The following ARHGAP45 variants were observed in gnomAD, a reference collection of about 807,000 sequenced individuals.
ARHGAP45 encodes rho GTPase-activating protein 45.
A neutral mutation model predicts 116.1 loss-of-function variants in ARHGAP45; 56 were observed. That is an observed-to-expected ratio of 0.48 (90% CI 0.39 to 0.60). The LOEUF is 0.60. Ranked by LOEUF, ARHGAP45 falls within the 20% of genes least tolerant of loss-of-function variation. The pLI is 0.00. For synonymous variants in ARHGAP45, 866 were observed against 701.7 expected (o/e 1.23, Z -3.70); for missense variants, 1,622 against 1,601.0 (o/e 1.01, Z -0.22).
rs550923844 is a variant in ARHGAP45 at position 1,081,040 on chromosome 19, C to T, written c.2166C>T (p.Tyr722=). The part of the protein sequence containing the change: ...AKCRECNSYV[Y]FQGAECEECC... ...GCCGCGAGTGCAACAGCTACGTCTACTTCCAGGGTGCTGAGTGTGAAGAGG... is the reference window on the plus strand; with the variant it reads ...GCCGCGAGTGCAACAGCTACGTCTATTTCCAGGGTGCTGAGTGTGAAGAGG... Residue 722 remains tyrosine (Y), a synonymous_variant, in exon 17 of 23, where the codon TAC becomes TAT. Coordinates refer to ENST00000313093, the MANE Select transcript of ARHGAP45 (RefSeq NM_012292.5). The T allele has an allele frequency of 1.2e-6, 2 of 1,608,646 alleles. No individual in the cohort carries two copies. The highest frequency in any genetic ancestry group is 1.7e-6 in the Non-Finnish European group (2 of 1,178,514).
intron 8 of ARHGAP45, 86 bp downstream of exon 8, chr19:1,074,493 AG>A: frequency 7.1e-7 from 1 of 1,410,678 alleles, no homozygotes; most frequent in African/African-American, 1.4e-5. Context: ...GACCAAGAGC[AG>A]GGGCTTCCCC....
intron 17 of ARHGAP45, 149 bp from the exon 18 acceptor site, chr19:1,081,401 G>C: frequency 1.2e-6 from 1 of 855,898 alleles, no homozygotes; most frequent in African/African-American, 1.7e-5. Flanking sequence ...CACCCCTGGG[G>C]TGGAAGCCAC....
Position 1,080,758 on chromosome 19 carries a change from T to C in ARHGAP45, c.1989T>C (p.Gly663=). The change falls in exon 16 of 23, where the codon GGT becomes GGC. Residue 663 remains glycine, a synonymous_variant. Coordinates refer to ENST00000313093, the MANE Select transcript of ARHGAP45 (RefSeq NM_012292.5). ...CGGAGGAGCTGGTGGACCCAGACGG[T>C]GGAGCCGGGGCTTCAGCCTTTGAGC... is the stretch of plus-strand genomic sequence containing the variant. The part of the protein sequence containing the change: ...SSTEELVDPD[G]GAGASAFEQA... 1 of 1,613,480 alleles carries C rather than the reference T, an allele frequency of 6.2e-7. No homozygotes were observed. Among genetic ancestry groups the C allele is most frequent in the Non-Finnish European group, 8.5e-7 (1 of 1,179,978 alleles).
At chr19:1,084,864 T>C (rs935174048) in intron 22 of ARHGAP45, among the ~76,000 whole-genome samples, 3 of 152,110 alleles carry the variant, frequency 2.0e-5, no homozygotes, top group Non-Finnish European at 2.9e-5. Context: ...GGCAGATCAC[T>C]TGAGGTTAGG....
At chr19:1,083,901 C>T (rs1264200210) in intron 21 of ARHGAP45, among the ~76,000 whole-genome samples, 1 of 152,134 alleles carries the variant, frequency 6.6e-6, no homozygotes, top group Non-Finnish European at 1.5e-5. Context: ...CCACCACACC[C>T]GGCTAATTTT....
At position 1,069,816 on chromosome 19, in the gene ARHGAP45, C is replaced by CT. The variant is rs5826720; in HGVS notation, c.421+1090dup. On this transcript the variant is annotated intron_variant, in intron 2 of 22. Coordinates refer to ENST00000313093, the MANE Select transcript of ARHGAP45 (RefSeq NM_012292.5). The surrounding 1 kb of genome is among the most constrained non-coding windows in gnomAD (Gnocchi z 4.1). ...GAACTGGGCCAGCCAGGGTGGGGCA[C>CT]TTTTTTTTTTTTTTTTTTGATACAG... is the stretch of plus-strand genomic sequence containing the variant. Among the ~76,000 whole-genome samples the CT allele has an allele frequency of 0.43, 56,166 of 132,108 alleles. 12,546 individuals carry two copies. The highest frequency in any genetic ancestry group is 0.51 in the Middle Eastern group (125 of 246). The allele number at this position is 132,108 out of a possible 152,430, so 86.7% of individuals were successfully genotyped here. A position where few individuals can be genotyped will look rare whatever the true frequency, so the allele number is the denominator to read the frequency against.
chr19:1,079,890 C>G lies in ARHGAP45; in HGVS notation c.1513-38C>G. On this transcript the variant is annotated intron_variant, in intron 12 of 22. Coordinates refer to ENST00000313093, the MANE Select transcript of ARHGAP45 (RefSeq NM_012292.5). ...GGGCGGGGATGGTGGACCGGGCGGC[C>G]TCCTCCTGACCCCTCCGCTCTCCGG... The G allele has an allele frequency of 3.8e-6, 6 of 1,593,966 alleles. No individual in the cohort carries two copies. In the South Asian group the frequency reaches 6.7e-5, roughly 18 times the overall value.
chr19:1,075,469 T>G (rs1000499663), intron 10 of ARHGAP45, among the ~76,000 whole-genome samples: 2 of 152,044 alleles, frequency 1.3e-5, no homozygotes, highest in African/African-American at 4.8e-5. Flanking sequence ...GGTCTCGAAC[T>G]CCTGACCTCA....
At position 1,081,958 on chromosome 19, in the gene ARHGAP45, T is replaced by A; in HGVS notation, c.2514T>A (p.Arg838=). 1 of 1,610,584 alleles carries A rather than the reference T, an allele frequency of 6.2e-7. No homozygotes were observed. The highest frequency in any genetic ancestry group is 1.1e-5 in the South Asian group (1 of 90,998). ...GCAACGTCCTCAAGCTCTACCTGCG[T>A]CAGGTGAGACCCACCGGTGGTGGCC... ...DISNVLKLYL[R]QLPEPLISFR... The change falls in exon 19 of 23, where the codon CGT becomes CGA. Residue 838 remains arginine (R), a synonymous_variant. Transcript: ENST00000313093.
chr19:1,067,496 G>A lies in ARHGAP45; in HGVS notation c.90+1G>A. ...AAGCCCCAGCCCGCAGCCCTCGGGG[G>A]TGAGTGGAGCCCGGGTGAGACCCGG... On this transcript the variant is annotated splice_donor_variant, in intron 1 of 22. Transcript: ENST00000313093. LOFTEE classifies it high-confidence loss of function. The A allele has an allele frequency of 6.3e-7, 1 of 1,596,728 alleles. No homozygotes were observed. Among genetic ancestry groups the A allele is most frequent in the Non-Finnish European group, 8.5e-7 (1 of 1,172,538 alleles).
chr19:1,069,727 C>G lies in ARHGAP45; in HGVS notation c.421+983C>G, dbSNP rs1026317610. On this transcript the variant is annotated intron_variant, in intron 2 of 22. Coordinates refer to ENST00000313093, the MANE Select transcript of ARHGAP45 (RefSeq NM_012292.5). This position sits in a 1 kb window ranked among gnomAD's most constrained non-coding sequence, Gnocchi z 4.1. ...ACCCTAATCTCGGTTCCTTTCCGATCCTGGCGCTTCCTTGGAGGCCTGGCC... is the reference window on the plus strand; with the variant it reads ...ACCCTAATCTCGGTTCCTTTCCGATGCTGGCGCTTCCTTGGAGGCCTGGCC... 1.3e-5 allele frequency among the ~76,000 whole-genome samples: 2 copies of G among 152,136 alleles called. No individual in the cohort carries two copies. The highest frequency in any genetic ancestry group is 6.5e-5 in the Admixed American group (1 of 15,286).
chr19:1,078,904 G>A lies in ARHGAP45; in HGVS notation c.1375-799G>A, dbSNP rs574115387. 3.3e-5 allele frequency among the ~76,000 whole-genome samples: 5 copies of A among 151,830 alleles called. No individual in the cohort carries two copies. The South Asian group carries it at 1.0e-3, about 32-fold the overall frequency. ...GCTAATTTAAAAAAATTCTTGGCCG[G>A]GCGCAGTGGCTCACGCCTGTAATCC... On this transcript the variant is annotated intron_variant, in intron 11 of 22. Coordinates refer to ENST00000313093, the MANE Select transcript of ARHGAP45 (RefSeq NM_012292.5).
chr19:1,078,345 G>C (rs1016917182), intron 11 of ARHGAP45, among the ~76,000 whole-genome samples: 2 of 151,838 alleles, frequency 1.3e-5, no homozygotes, highest in African/African-American at 4.8e-5. Flanking sequence ...GGGTTTCACT[G>C]TGTTAGCCAG....
intron 17 of ARHGAP45, chr19:1,081,293 T>G (rs2043426307): frequency 1.5e-6 from 1 of 646,420 alleles, no homozygotes; most frequent in Non-Finnish European, 2.6e-6. Flanking sequence ...TGAAGAGTCC[T>G]GGGGCTGTGG....
In ARHGAP45 at chr19:1,079,783, G is replaced by A. The variant is rs1456838236; in HGVS notation, c.1455G>A (p.Val485=). Residue 485 remains valine, a synonymous_variant, in exon 12 of 23, where the codon GTG becomes GTA. Coordinates refer to ENST00000313093, the MANE Select transcript of ARHGAP45 (RefSeq NM_012292.5). ...TQKQELEDTK[V]TALRQIQEVI... ...AGCAGGAGCTGGAGGATACCAAGGT[G>A]ACGGCGCTGCGGCAGATCCAGGAGG... 6.2e-7 allele frequency: 1 copy of A among 1,611,646 alleles called. No homozygotes were observed.
chr19:1,079,970 C>G lies in ARHGAP45; in HGVS notation c.1555C>G (p.Pro519Ala). 1.2e-6 allele frequency: 2 copies of G among 1,612,698 alleles called. No individual in the cohort carries two copies. The highest frequency in any genetic ancestry group is 1.7e-4 in the Middle Eastern group (1 of 6,060). ...CCAGATGATGCATATGCAGACGGCG[C>G]CGCTGCCCGTGCACTTCCAGATGCT... Reference protein sequence around the residue: ...YYQMMHMQTAPLPVHFQMLCE... With the variant: ...YYQMMHMQTAALPVHFQMLCE... Residue 519 changes from proline to alanine, a missense_variant, in exon 13 of 23, where the codon CCG becomes GCG. Physicochemically the swap from Pro to Ala is conservative, Grantham distance 27. Coordinates refer to ENST00000313093, the MANE Select transcript of ARHGAP45 (RefSeq NM_012292.5).
rs1325339738 is a variant in ARHGAP45, at chr19:1,071,307, G to C, written c.422-1842G>C. 6.8e-7 allele frequency: 1 copy of C among 1,460,646 alleles called. No individual in the cohort carries two copies. The highest frequency in any genetic ancestry group is 3.1e-5 in the East Asian group (1 of 32,166). The allele number at this position is 1,460,646 out of a possible 1,614,324, so 90.5% of individuals were successfully genotyped here. On this transcript the variant is annotated intron_variant, in intron 2 of 22. Coordinates refer to ENST00000313093, the MANE Select transcript of ARHGAP45 (RefSeq NM_012292.5). The surrounding 1 kb of genome is among the most constrained non-coding windows in gnomAD (Gnocchi z 4.6). ...CTGCGCCATGTGTATCTGCGGGACG[G>C]CGCACCCGGTGCTGGACGAGGGCCC...
intron 22 of ARHGAP45, 54 bp downstream of exon 22, chr19:1,084,400 TG>T: frequency 7.3e-7 from 1 of 1,373,298 alleles, no homozygotes; most frequent in Non-Finnish European, 1.0e-6. Flanking sequence ...GTGCCACCCA[TG>T]GGCGCAGGTG....
Position 1,077,978 on chromosome 19 carries a change from G to C in ARHGAP45, c.1307G>C (p.Gly436Ala). 1.3e-6 allele frequency: 2 copies of C among 1,554,056 alleles called. No individual in the cohort carries two copies. Among genetic ancestry groups the C allele is most frequent in the Non-Finnish European group, 1.7e-6 (2 of 1,148,280 alleles). Residue 436 changes from glycine to alanine, a missense_variant, in exon 11 of 23, where the codon GGA becomes GCA. By Grantham distance (60) the Gly-to-Ala change is moderately conservative (BLOSUM62 0). This residue lies in a region of ARHGAP45 where 1,334 missense variants were observed against 1,263.8 expected (regional missense o/e 1.06). Coordinates refer to ENST00000313093, the MANE Select transcript of ARHGAP45 (RefSeq NM_012292.5). The stretch of plus-strand genomic sequence containing the variant: ...GAGGAGCAGGCTGGCAGCGCGCCGG[G>C]AGCAGGCAGCACGGCCACCAAGACC... ...AEEEQAGSAP[G>A]AGSTATKTLD...
Sources: gnomAD v4.1 joint callset for allele counts (sites outside exome capture counted in the v4.1 genomes callset) on GRCh38, gnomAD v4.1.1 for gene constraint, gnomAD v4.1.1 regional missense constraint, Gnocchi (gnomAD v3.1) non-coding constraint, MANE v1.5 for transcripts, NCBI Gene and HGNC (gene_info 2026-07-23, HGNC 2026-07-21) for gene names.